The following MBOAT2 variants were observed in gnomAD, a reference collection of about 807,000 sequenced individuals.
MBOAT2 encodes the protein membrane bound glycerophospholipid O-acyltransferase 2.
Under a neutral mutation model 63.4 loss-of-function variants are expected in MBOAT2, and 28 were observed. The ratio of observed to expected loss-of-function variants is 0.44; its 90% CI spans 0.33 to 0.61. The LOEUF (loss-of-function observed/expected upper bound fraction) is 0.61. MBOAT2 is among the 20% of genes least tolerant of loss of function. The pLI, the probability that MBOAT2 is intolerant of heterozygous loss-of-function variation, is 0.03. For synonymous variants in MBOAT2, 211 were observed against 215.6 expected (o/e 0.98, Z 0.19); for missense variants, 470 against 605.8 (o/e 0.78, Z 2.35).
Position 8,914,934 on chromosome 2 carries a change from C to CTTTTTTTT in MBOAT2, c.300-6226_300-6219dup, listed in dbSNP as rs938665533. On this transcript the variant is annotated intron_variant, in intron 3 of 12. Transcript: ENST00000305997. ...TTTAAACTGTGACTACTGGAAATTT[C>CTTTTTTTT]TTTTTTTTTTTTTTTTTTTTTTTTG... Among the ~76,000 whole-genome samples the CTTTTTTTT allele has an allele frequency of 2.0e-3, 120 of 60,238 alleles. 1 individual carries two copies. The highest frequency in any genetic ancestry group is 2.2e-3 in the African/African-American group (32 of 14,502). 39.5% of individuals were successfully genotyped at this position (60,238 alleles called of 152,430 possible).
intron 1 of MBOAT2, among the ~76,000 whole-genome samples, chr2:8,963,517 G>T (rs187135988): frequency 6.6e-6 from 1 of 151,882 alleles, no homozygotes; most frequent in Admixed American, 6.6e-5. Flanking sequence ...TTGGTCAGGC[G>T]GTCTTGAACT....
At chr2:8,904,886 A>G (rs1034700894) in intron 4 of MBOAT2, among the ~76,000 whole-genome samples, 10 of 152,174 alleles carry the variant, frequency 6.6e-5, no homozygotes, top group African/African-American at 1.9e-4. Flanking sequence ...AAACAACTTC[A>G]GTAGCTTTTC....
Position 8,908,773 on chromosome 2 carries a change from A to C in MBOAT2, c.300-57T>G. 5 of 1,050,412 alleles carry C rather than the reference A, an allele frequency of 4.8e-6. No individual in the cohort carries two copies. The South Asian group carries it at 5.5e-5, about 12-fold the overall frequency. The allele number at this position is 1,050,412 out of a possible 1,614,324, so 65.1% of individuals were successfully genotyped here. A position where few individuals can be genotyped will look rare whatever the true frequency, so the allele number is the denominator to read the frequency against. On this transcript the variant is annotated intron_variant, in intron 3 of 12. Transcript: ENST00000305997. ...AATAAGACTCATTTTGTTAAAGAGT[A>C]CATTTTAAAGTAATTTATTAGCTAA...
chr2:8,936,771 A>G (rs1200254968), intron 3 of MBOAT2, among the ~76,000 whole-genome samples: 1 of 139,810 alleles, frequency 7.2e-6, no homozygotes, highest in Non-Finnish European at 1.5e-5. Flanking sequence ...TGAGCTACAG[A>G]GGGAGACTCC....
intron 3 of MBOAT2, among the ~76,000 whole-genome samples, chr2:8,912,360 A>AGAGAAAGAAG (rs1665816604): frequency 9.1e-6 from 1 of 110,002 alleles, no homozygotes; most frequent in East Asian, 2.3e-4. Context: ...AGAGAAAGAA[A>AGAGAAAGAAG]GAAAGAAAGA....
In MBOAT2 at chr2:8,868,479, G is replaced by C; in HGVS notation, c.954C>G (p.Asp318Glu). 1 of 1,613,946 alleles carries C rather than the reference G, an allele frequency of 6.2e-7. No homozygotes were observed. The highest frequency in any genetic ancestry group is 8.5e-7 in the Non-Finnish European group (1 of 1,179,956). Residue 318 changes from aspartate (D) to glutamate (E), a missense_variant, in exon 9 of 13, where the codon GAC becomes GAG. This residue lies in a region of MBOAT2 where 376 missense variants were observed against 503.8 expected (regional missense o/e 0.75). Transcript: ENST00000305997. ...GYDENGAARW[D>E]LISNLRIQQI... is the part of the protein sequence containing the mutation. ...GTTGAATTCTCAAATTGGAAATTAA[G>C]TCCCAGCGAGCTGCTCCATTTTCGT...
intron 3 of MBOAT2, among the ~76,000 whole-genome samples, chr2:8,929,789 G>GGGC (rs1667192426): frequency 6.6e-6 from 1 of 152,120 alleles, no homozygotes; most frequent in African/African-American, 2.4e-5. Flanking sequence ...GGTTCCAGCT[G>GGGC]GGCTTCCTGG....
intron 3 of MBOAT2, among the ~76,000 whole-genome samples, chr2:8,928,807 C>A (rs1205755183): frequency 6.6e-6 from 1 of 152,112 alleles, no homozygotes; most frequent in East Asian, 1.9e-4. Context: ...TGGAAAGACC[C>A]CGTATGCTCT....
intron 6 of MBOAT2, among the ~76,000 whole-genome samples, chr2:8,878,435 C>A (rs1381960687): frequency 6.6e-6 from 1 of 152,200 alleles, no homozygotes; most frequent in Non-Finnish European, 1.5e-5. Flanking sequence ...ACAGTCCATG[C>A]TCCTCTCTGA....
At chr2:8,989,821 T>C (rs1337347935) in intron 1 of MBOAT2, among the ~76,000 whole-genome samples, 2 of 152,148 alleles carry the variant, frequency 1.3e-5, no homozygotes, top group Non-Finnish European at 1.5e-5. Context: ...AGAAGAAGTG[T>C]TCAAATACAA....
chr2:8,878,189 A>G (rs1348900028), intron 6 of MBOAT2, among the ~76,000 whole-genome samples: 1 of 152,196 alleles, frequency 6.6e-6, no homozygotes, highest in Admixed American at 6.5e-5. Flanking sequence ...AGTCAAGTCA[A>G]TTCCACTCCT....
At chr2:8,963,373 A>G (rs1017994512) in intron 1 of MBOAT2, among the ~76,000 whole-genome samples, 7 of 152,100 alleles carry the variant, frequency 4.6e-5, no homozygotes, top group African/African-American at 1.7e-4. Context: ...GCACGATCTC[A>G]GCTCACTGTA....
intron 2 of MBOAT2, among the ~76,000 whole-genome samples, chr2:8,954,868 T>C (rs1323380540): frequency 1.3e-5 from 2 of 152,046 alleles, no homozygotes; most frequent in African/African-American, 4.8e-5. Context: ...TGCCTGGGAG[T>C]GGAGCAGAGG....
chr2:8,944,947 T>C (rs929470796), intron 2 of MBOAT2, among the ~76,000 whole-genome samples: 4 of 152,174 alleles, frequency 2.6e-5, no homozygotes, highest in Non-Finnish European at 4.4e-5. Flanking sequence ...CAGGTACTTA[T>C]CTTAAACACG....
At chr2:8,995,749 C>T (rs1672245667) in intron 1 of MBOAT2, among the ~76,000 whole-genome samples, 1 of 152,118 alleles carries the variant, frequency 6.6e-6, no homozygotes, top group Non-Finnish European at 1.5e-5. Context: ...CGCCACCATG[C>T]CCGGCCTAAT....
intron 1 of MBOAT2, among the ~76,000 whole-genome samples, chr2:8,987,271 A>T (rs1345835717): frequency 6.6e-6 from 1 of 152,190 alleles, no homozygotes; most frequent in African/African-American, 2.4e-5. Context: ...TTATATTATG[A>T]CCAAAGTCCT....
intron 1 of MBOAT2, among the ~76,000 whole-genome samples, chr2:8,993,179 T>C (rs1156992959): frequency 6.6e-6 from 1 of 152,192 alleles, no homozygotes; most frequent in Admixed American, 6.5e-5. Flanking sequence ...CTGAAAATAG[T>C]GGTACCTCTC....
intron 1 of MBOAT2, among the ~76,000 whole-genome samples, chr2:9,002,613 G>A (rs1476048843): frequency 8.6e-6 from 1 of 115,826 alleles, no homozygotes; most frequent in Non-Finnish European, 1.8e-5. Flanking sequence ...ATACACCCCC[G>A]CCCCCCAGCC....
chr2:8,888,228 A>G (rs62104415), intron 4 of MBOAT2, among the ~76,000 whole-genome samples, 155 bp from the exon 5 acceptor site: 10,336 of 152,252 alleles, frequency 0.068, 378 homozygotes, highest in Middle Eastern at 0.095. Flanking sequence ...AATAACTCAG[A>G]AGTTATGTAT....
Sources: allele counts gnomAD v4.1 joint callset (sites outside exome capture counted in the v4.1 genomes callset), GRCh38; gene constraint gnomAD v4.1.1; regional missense constraint gnomAD v4.1.1; transcripts MANE v1.5; gene names NCBI Gene and HGNC (gene_info 2026-07-23, HGNC 2026-07-21).